PAK5: variants seen among roughly 807,000 people sequenced by gnomAD.
PAK5 encodes the protein serine/threonine-protein kinase PAK 5.
A neutral mutation model predicts 65.9 loss-of-function variants in PAK5; 16 were observed. The ratio of observed to expected loss-of-function variants is 0.24; its 90% CI spans 0.16 to 0.37. PAK5 has a LOEUF of 0.37. Ranked by LOEUF, PAK5 falls within the 10% of genes least tolerant of loss-of-function variation. The pLI is 1.00. For synonymous variants in PAK5, 371 were observed against 354.9 expected, an observed-to-expected ratio of 1.05 and a Z score of -0.51; for missense variants, 785 against 903.9, an observed-to-expected ratio of 0.87 and a Z score of 1.69.
chr20:9,817,219 A>G (rs1013363994), intron 1 of PAK5, among the ~76,000 whole-genome samples: 9 of 152,202 alleles, frequency 5.9e-5, no homozygotes, highest in Admixed American at 5.9e-4. Flanking sequence ...GAGTCTCAAA[A>G]CTACAATTTC....
At chr20:9,716,614 TGCTGCAAATA>T (rs1370004307) in intron 1 of PAK5, among the ~76,000 whole-genome samples, 1 of 152,240 alleles carries the variant, frequency 6.6e-6, no homozygotes, top group African/African-American at 2.4e-5. Flanking sequence ...TTTCTATTTA[TGCTGCAAATA>T]GCCAAATTAA....
At chr20:9,793,932 G>A (rs2049076957) in intron 1 of PAK5, among the ~76,000 whole-genome samples, 1 of 152,076 alleles carries the variant, frequency 6.6e-6, no homozygotes, top group Non-Finnish European at 1.5e-5. Context: ...CAATCCAGAT[G>A]CCCATCAAAG....
rs2048531963 is a variant in PAK5, at chr20:9,748,261, C to T, written c.-161-36826G>A. Among the ~76,000 whole-genome samples the T allele has an allele frequency of 2.6e-5, 4 of 152,076 alleles. No homozygotes were observed. The South Asian group carries it at 6.2e-4, about 24-fold the overall frequency. ...AATATCATGAAAATGGCCATACTGC[C>T]CAAGGTAATTTATAGATTCAATGCC... On this transcript the variant is annotated intron_variant, in intron 1 of 9. Coordinates refer to ENST00000353224, the MANE Select transcript of PAK5 (RefSeq NM_177990.4).
chr20:9,542,765 C>T (rs1170285869), intron 8 of PAK5, 45 bp from the exon 9 acceptor site: 4 of 1,586,130 alleles, frequency 2.5e-6, no homozygotes, highest in Non-Finnish European at 2.6e-6. Context: ...GGAGAACATT[C>T]TGAAATGTCA....
At chr20:9,559,933 G>A (rs959201817) in intron 6 of PAK5, among the ~76,000 whole-genome samples, 1 of 152,168 alleles carries the variant, frequency 6.6e-6, no homozygotes, top group Non-Finnish European at 1.5e-5. Context: ...TTCACATGTG[G>A]AAAAACACAT....
At chr20:9,624,402 A>C (rs948932308) in intron 3 of PAK5, among the ~76,000 whole-genome samples, 2 of 152,118 alleles carry the variant, frequency 1.3e-5, no homozygotes, top group African/African-American at 4.8e-5. Flanking sequence ...TGAATACCTA[A>C]AAAAGGTATG....
chr20:9,599,924 TA>T (rs2046332341), intron 3 of PAK5, among the ~76,000 whole-genome samples: 1 of 152,216 alleles, frequency 6.6e-6, no homozygotes, highest in Non-Finnish European at 1.5e-5. Flanking sequence ...GAATTATTAC[TA>T]AATCCAATGT....
intron 2 of PAK5, among the ~76,000 whole-genome samples, chr20:9,670,531 A>G (rs1355172974): frequency 6.6e-6 from 1 of 152,182 alleles, no homozygotes; most frequent in East Asian, 1.9e-4. Flanking sequence ...AGTGATGATG[A>G]GCATTTTTTC....
chr20:9,676,879 G>T lies in PAK5; in HGVS notation c.-11-32540C>A, dbSNP rs1203429835. Among the ~76,000 whole-genome samples, 3 of 152,136 alleles carry T rather than the reference G, an allele frequency of 2.0e-5. No homozygotes were observed. The East Asian group carries it at 5.8e-4, about 29-fold the overall frequency. On this transcript the variant is annotated intron_variant, in intron 2 of 9. Coordinates refer to ENST00000353224, the MANE Select transcript of PAK5 (RefSeq NM_177990.4). ...ATATGCTTATGTTTTGTGCATTAAT[G>T]CATATCTGATATTCTGACAATAAAA...
chr20:9,742,465 T>C (rs1356992067), intron 1 of PAK5, among the ~76,000 whole-genome samples: 1 of 152,104 alleles, frequency 6.6e-6, no homozygotes, highest in Non-Finnish European at 1.5e-5. Flanking sequence ...CATCTAAATA[T>C]CCTATAAATA....
In PAK5 at chr20:9,537,951, G is replaced by A. The variant is rs2045196803; in HGVS notation, c.*1511C>T. 1 of 230,964 alleles carries A rather than the reference G, an allele frequency of 4.3e-6. No homozygotes were observed. Among genetic ancestry groups the A allele is most frequent in the Non-Finnish European group, 8.6e-6 (1 of 116,554 alleles). 14.3% of individuals were successfully genotyped at this position (230,964 alleles called of 1,614,324 possible). ...CTTAATTATGCTTAGAGCAACCAGA[G>A]CGCTATCACAAATTTAAATTCATAT... On this transcript the variant is annotated 3_prime_UTR_variant, in exon 10 of 10. Coordinates refer to ENST00000353224, the MANE Select transcript of PAK5 (RefSeq NM_177990.4).
intron 4 of PAK5, among the ~76,000 whole-genome samples, chr20:9,575,431 A>G (rs2122988464): frequency 6.6e-6 from 1 of 152,314 alleles, no homozygotes; most frequent in South Asian, 2.1e-4. Flanking sequence ...AAGCGCTTGA[A>G]TCCAGGGAAT....
chr20:9,654,269 G>A (rs375001803), intron 2 of PAK5, among the ~76,000 whole-genome samples: 24 of 152,030 alleles, frequency 1.6e-4, no homozygotes, highest in African/African-American at 2.2e-4. Context: ...CACCGTGCCC[G>A]GCCCATCTTT....
chr20:9,801,789 A>G (rs1029038184), intron 1 of PAK5, among the ~76,000 whole-genome samples: 2 of 152,168 alleles, frequency 1.3e-5, no homozygotes, highest in African/African-American at 4.8e-5. Context: ...GAGTTAAATT[A>G]TCTCAATCCC....
chr20:9,599,160 G>A (rs1278000655), intron 3 of PAK5, among the ~76,000 whole-genome samples: 2 of 152,174 alleles, frequency 1.3e-5, no homozygotes, highest in African/African-American at 4.8e-5. Flanking sequence ...TTCGCATAGT[G>A]TTTTCAAGGT....
At chr20:9,600,686 C>A (rs190137771) in intron 3 of PAK5, among the ~76,000 whole-genome samples, 157 of 152,198 alleles carry the variant, frequency 1.0e-3, no homozygotes, top group African/African-American at 3.6e-3. Flanking sequence ...AAGGGATTAA[C>A]CTTTCTTATC....
intron 1 of PAK5, among the ~76,000 whole-genome samples, chr20:9,837,178 G>C (rs147895480): frequency 3.9e-3 from 600 of 152,320 alleles, no homozygotes; most frequent in African/African-American, 0.014. Context: ...GCGTTACCAA[G>C]GAACTTGCCA....
intron 1 of PAK5, among the ~76,000 whole-genome samples, chr20:9,738,765 G>T (rs1430879899): frequency 2.0e-5 from 3 of 151,994 alleles, no homozygotes; most frequent in African/African-American, 7.2e-5. Context: ...TGACTTCATG[G>T]TTGTATACAT....
chr20:9,758,508 G>A (rs2123639725), intron 1 of PAK5, among the ~76,000 whole-genome samples: 1 of 152,286 alleles, frequency 6.6e-6, no homozygotes, highest in South Asian at 2.1e-4. Context: ...ACCTGGAAGG[G>A]AGTACTTTGC....
Sources: allele counts gnomAD v4.1 joint callset (sites outside exome capture counted in the v4.1 genomes callset), GRCh38; gene constraint gnomAD v4.1.1; transcripts MANE v1.5; gene names NCBI Gene and HGNC (gene_info 2026-07-23, HGNC 2026-07-21).